The following DPYS variants were observed in gnomAD, a reference collection of about 807,000 sequenced individuals.
DPYS encodes the protein dihydropyrimidinase.
DPYS carries 39 observed loss-of-function variants against 50.3 expected under a neutral mutation model. That is an observed-to-expected ratio of 0.78 (90% CI 0.60 to 1.01). The LOEUF (loss-of-function observed/expected upper bound fraction) is 1.01, where lower values mean the gene tolerates loss of function less well. DPYS is among the 50% of genes least tolerant of loss of function. The pLI is 0.00. For synonymous variants in DPYS, 245 were observed against 250.7 expected (o/e 0.98, Z 0.22); for missense variants, 659 against 680.9 (o/e 0.97, Z 0.36).
chr8:104,420,095 T>C (rs541277956), intron 7 of DPYS: 3 of 152,268 alleles, frequency 2.0e-5, no homozygotes, highest in South Asian at 2.1e-4. Context: ...GGAAGACAGA[T>C]TGTGGTACAG....
chr8:104,436,993 A>T (rs906180878), intron 4 of DPYS, among the ~76,000 whole-genome samples: 1 of 152,204 alleles, frequency 6.6e-6, no homozygotes, highest in African/African-American at 2.4e-5. Flanking sequence ...GATTACCAAG[A>T]CACAAGTTTA....
rs1814443661 is a variant in DPYS, at chr8:104,466,981, G to T, written c.-61C>A. The T allele has an allele frequency of 3.4e-6, 4 of 1,165,144 alleles. No individual in the cohort carries two copies. Among genetic ancestry groups the T allele is most frequent in the Non-Finnish European group, 4.5e-6 (4 of 889,218 alleles). 72.2% of individuals were successfully genotyped at this position (1,165,144 alleles called of 1,614,324 possible). ...TGCGCGCAGGGGCTGGGTTGGGCGG[G>T]CCGGGCGGGCTTGGGGTGCCCTCCT... On this transcript the variant is annotated 5_prime_UTR_variant, in exon 1 of 10. Transcript: ENST00000351513.
At position 104,381,214 on chromosome 8, in the gene DPYS, T is replaced by G. The variant is rs1219541223; in HGVS notation, c.1544A>C (p.Lys515Thr). 5 of 1,613,948 alleles carry G rather than the reference T, an allele frequency of 3.1e-6. No homozygotes were observed. In the Admixed American group the frequency reaches 8.3e-5, roughly 27 times the overall value. Residue 515 changes from lysine to threonine, a missense_variant, in exon 9 of 10, where the codon AAA becomes ACA. By Grantham distance (78) the Lys-to-Thr change is moderately conservative. Coordinates refer to ENST00000351513, the MANE Select transcript of DPYS (RefSeq NM_001385.3). ...TKEDATAGTR[K>T]QAHP ...GCACACACTTCAGGGGTGGGCCTGTTTCCTGGTCCCTGCTGTGGCATCTTC... is the reference window on the plus strand; with the variant it reads ...GCACACACTTCAGGGGTGGGCCTGTGTCCTGGTCCCTGCTGTGGCATCTTC...
chr8:104,466,807 G>T lies in DPYS; in HGVS notation c.114C>A (p.Asp38Glu), dbSNP rs1283013313. The T allele has an allele frequency of 1.3e-6, 2 of 1,534,058 alleles. No individual in the cohort carries two copies. The highest frequency in any genetic ancestry group is 3.9e-5 in the Admixed American group (2 of 50,900). The stretch of plus-strand genomic sequence containing the variant: ...CAGGAGCGCCCCCGGGAGGCAGCAG[G>T]TCGTGCCCGAGTGCCCGCACCACGC... ...EDGVVRALGH[D>E]LLPPGGAPAG... The change falls in exon 1 of 10, where the codon GAC becomes GAA. Residue 38 changes from aspartate (D) to glutamate (E), a missense_variant. Physicochemically the swap from Asp to Glu is conservative, Grantham distance 45. Coordinates refer to ENST00000351513, the MANE Select transcript of DPYS (RefSeq NM_001385.3).
At chr8:104,437,009 A>C (rs1004841377) in intron 4 of DPYS, among the ~76,000 whole-genome samples, 8 of 152,212 alleles carry the variant, frequency 5.3e-5, no homozygotes, top group African/African-American at 1.9e-4. Flanking sequence ...GTTTATTAGA[A>C]GGGCAGGAAA....
At chr8:104,423,120 T>C (rs1812601627) in intron 7 of DPYS, among the ~76,000 whole-genome samples, 1 of 152,250 alleles carries the variant, frequency 6.6e-6, no homozygotes, top group Non-Finnish European at 1.5e-5. Flanking sequence ...GTCTTGTTGT[T>C]ATCTTAAGAT....
chr8:104,439,939 C>T (rs1410543399), intron 4 of DPYS, among the ~76,000 whole-genome samples: 1 of 152,156 alleles, frequency 6.6e-6, no homozygotes, highest in Admixed American at 6.5e-5. Flanking sequence ...CCAAGTTTAG[C>T]ACTTACTAAT....
chr8:104,450,107 A>G (rs1813679987), intron 2 of DPYS, among the ~76,000 whole-genome samples: 1 of 136,710 alleles, frequency 7.3e-6, no homozygotes, highest in Non-Finnish European at 1.5e-5. Context: ...GAAAATGAAG[A>G]GAAGGAAGGA....
chr8:104,430,759 C>T (rs1812926693), intron 4 of DPYS, among the ~76,000 whole-genome samples: 2 of 152,146 alleles, frequency 1.3e-5, no homozygotes, highest in South Asian at 4.1e-4. Context: ...GAAAGCAAGG[C>T]TTATTGAAGC....
Position 104,429,625 on chromosome 8 carries a change from G to C in DPYS, c.870C>G (p.His290Gln). The stretch of plus-strand genomic sequence containing the variant: ...GACCCATGACATGGTGGGCTGCATG[G>C]TGCCATTCTTTATTCCAGTAGTGAG... ...DGTHYWNKEW[H>Q]HAAHHVMGPP... Residue 290 changes from histidine (H) to glutamine (Q), a missense_variant, in exon 5 of 10, where the codon CAC becomes CAG. By Grantham distance (24) the His-to-Gln change is conservative (BLOSUM62 0). Transcript: ENST00000351513. 1.2e-6 allele frequency: 2 copies of C among 1,614,158 alleles called. No homozygotes were observed. The highest frequency in any genetic ancestry group is 1.7e-4 in the Middle Eastern group (1 of 6,058).
At chr8:104,409,969 T>C (rs1292996891) in intron 7 of DPYS, among the ~76,000 whole-genome samples, 2 of 152,198 alleles carry the variant, frequency 1.3e-5, no homozygotes, top group African/African-American at 4.8e-5. Flanking sequence ...TACCTTGTAT[T>C]ATAGTTATTT....
chr8:104,415,458 A>T (rs1482768439), intron 7 of DPYS, among the ~76,000 whole-genome samples: 1 of 152,262 alleles, frequency 6.6e-6, no homozygotes, highest in Admixed American at 6.5e-5. Context: ...AATCATTTCT[A>T]GTTCACTTGA....
chr8:104,409,182 A>G (rs548477391), intron 7 of DPYS, among the ~76,000 whole-genome samples: 1 of 152,066 alleles, frequency 6.6e-6, no homozygotes, highest in South Asian at 2.1e-4. Context: ...CCAACATGCC[A>G]GTCACAAACT....
At chr8:104,398,375 G>A (rs1390182397) in intron 7 of DPYS, among the ~76,000 whole-genome samples, 1 of 152,240 alleles carries the variant, frequency 6.6e-6, no homozygotes, top group Admixed American at 6.5e-5. Context: ...CAGGAGCAGA[G>A]CTCTCCGATG....
chr8:104,442,441 C>T (rs1480780904), intron 4 of DPYS, among the ~76,000 whole-genome samples: 3 of 152,154 alleles, frequency 2.0e-5, no homozygotes, highest in Non-Finnish European at 4.4e-5. Context: ...ATTATGGACC[C>T]GGTACACGAC....
chr8:104,434,160 T>C (rs899693223), intron 4 of DPYS, among the ~76,000 whole-genome samples: 1 of 1,622 alleles, frequency 6.2e-4, no homozygotes, highest in Non-Finnish European at 1.1e-3. Context: ...TGGTTATAGG[T>C]AGATGTCAAA....
chr8:104,387,400 T>C (rs892932750), intron 8 of DPYS, among the ~76,000 whole-genome samples: 1 of 152,198 alleles, frequency 6.6e-6, no homozygotes, highest in South Asian at 2.1e-4. Flanking sequence ...CTGGGCTGTC[T>C]CATTTCAGGG....
chr8:104,402,971 G>A (rs910941722), intron 7 of DPYS, among the ~76,000 whole-genome samples: 9 of 152,184 alleles, frequency 5.9e-5, no homozygotes, highest in African/African-American at 1.9e-4. Context: ...AGAGCACAGC[G>A]TGAGGGACAA....
chr8:104,409,259 C>T (rs1035409765), intron 7 of DPYS, among the ~76,000 whole-genome samples: 3 of 151,582 alleles, frequency 2.0e-5, no homozygotes, highest in South Asian at 4.2e-4. Flanking sequence ...CCGAGGTGGG[C>T]GGATCACTTG....
Sources: allele counts gnomAD v4.1 joint callset (sites outside exome capture counted in the v4.1 genomes callset), GRCh38; gene constraint gnomAD v4.1.1; transcripts MANE v1.5; gene names NCBI Gene and HGNC (gene_info 2026-07-23, HGNC 2026-07-21).